The following ECHDC3 variants were observed in gnomAD, a reference collection of about 807,000 sequenced individuals.
The protein encoded by ECHDC3 is enoyl-CoA hydratase domain containing 3.
ECHDC3 carries 20 observed loss-of-function variants against 17.9 expected under a neutral mutation model. The observed-to-expected ratio is 1.12, with a 90% CI of 0.79 to 1.63. The LOEUF is 1.63. Ranked by LOEUF, ECHDC3 falls within the 40% of genes most tolerant of loss-of-function variation. ECHDC3 has a pLI of 0.00. For synonymous variants in ECHDC3, 177 were observed against 149.7 expected, an observed-to-expected ratio of 1.18 and a Z score of -1.33; for missense variants, 407 against 357.7, an observed-to-expected ratio of 1.14 and a Z score of -1.11.
intron 1 of ECHDC3, among the ~76,000 whole-genome samples, chr10:11,745,789 C>T (rs1832752389): frequency 1.3e-5 from 2 of 152,082 alleles, no homozygotes; most frequent in Admixed American, 6.6e-5. Context: ...GGCTCTTTGC[C>T]CATTTCTTGT....
chr10:11,753,492 G>A (rs1228807586), intron 3 of ECHDC3, among the ~76,000 whole-genome samples: 13 of 152,174 alleles, frequency 8.5e-5, no homozygotes, highest in African/African-American at 9.7e-5. Flanking sequence ...GGACAGGACA[G>A]GTAGACTGTT....
At chr10:11,743,938 G>C (rs1003918372) in intron 1 of ECHDC3, among the ~76,000 whole-genome samples, 1 of 152,216 alleles carries the variant, frequency 6.6e-6, no homozygotes, top group African/African-American at 2.4e-5. Flanking sequence ...ATGAATGCTA[G>C]GGTTTGTTTA....
In ECHDC3 at chr10:11,763,481, G is replaced by A. The variant is rs762417319; in HGVS notation, c.849G>A (p.Gly283=). The A allele has an allele frequency of 2.6e-5, 30 of 1,149,920 alleles. No individual in the cohort carries two copies. Among genetic ancestry groups the A allele is most frequent in the Admixed American group, 3.4e-5 (2 of 58,808 alleles). 71.2% of individuals were successfully genotyped at this position (1,149,920 alleles called of 1,614,324 possible). The change falls in exon 5 of 5, where the codon GGG becomes GGA. Residue 283 remains glycine (G), a synonymous_variant. Transcript: ENST00000379215. This position sits in a 1 kb window ranked among gnomAD's most constrained non-coding sequence, Gnocchi z 4.9. The part of the protein sequence containing the change: ...AMVDNLALRD[G]QEGITAFLQK... ...TGGACAACCTGGCCCTGCGGGACGGGCAGGAGGGCATCACGGCCTTCCTCC... is the reference window on the plus strand; with the variant it reads ...TGGACAACCTGGCCCTGCGGGACGGACAGGAGGGCATCACGGCCTTCCTCC...
chr10:11,749,773 CTTTTTTTTTTTTTTTTTTTTTTTT>C lies in ECHDC3; in HGVS notation c.390+198_390+221del, dbSNP rs869115508. Among the ~76,000 whole-genome samples the C allele has an allele frequency of 6.1e-5, 4 of 65,502 alleles. No homozygotes were observed. In the Admixed American group the frequency reaches 7.1e-4, roughly 12 times the overall value. The allele number at this position is 65,502 out of a possible 152,430, so 43.0% of individuals were successfully genotyped here. On this transcript the variant is annotated intron_variant, in intron 3 of 4. Transcript: ENST00000379215. ...AATCCAGCAATTATTTGGTTTAGAC[CTTTTTTTTTTTTTTTTTTTTTTTT>C]TTTTTTTTTTTTTTTTGAGACAGAG...
In ECHDC3 at chr10:11,747,392, C is replaced by T. The variant is rs775157293; in HGVS notation, c.214C>T (p.Leu72Phe). 4 of 1,613,960 alleles carry T rather than the reference C, an allele frequency of 2.5e-6. No individual in the cohort carries two copies. Among genetic ancestry groups the T allele is most frequent in the Admixed American group, 1.7e-5 (1 of 60,002 alleles). ...SNPKKRNALS[L>F]AMLKSLQSDI... ...TCCCAAGAAGAGGAACGCGTTGTCA[C>T]TTGCAATGCTGAAGTCTCTCCAAAG... is the stretch of plus-strand genomic sequence containing the variant. Residue 72 changes from leucine (L) to phenylalanine (F), a missense_variant, in exon 2 of 5, where the codon CTT becomes TTT. By Grantham distance (22) the Leu-to-Phe change is conservative. Coordinates refer to ENST00000379215, the MANE Select transcript of ECHDC3 (RefSeq NM_024693.5).
chr10:11,743,870 G>A (rs372152593), intron 1 of ECHDC3, among the ~76,000 whole-genome samples: 1 of 152,234 alleles, frequency 6.6e-6, no homozygotes, highest in Non-Finnish European at 1.5e-5. Context: ...AAGGAGGCCG[G>A]TCGAGTTCTC....
chr10:11,748,772 G>A (rs781510105), intron 2 of ECHDC3, among the ~76,000 whole-genome samples: 1 of 152,158 alleles, frequency 6.6e-6, no homozygotes, highest in Non-Finnish European at 1.5e-5. Context: ...TGTAATCCCA[G>A]CTACTTAGGA....
At chr10:11,757,383 G>A (rs1018225313) in intron 4 of ECHDC3, among the ~76,000 whole-genome samples, 6 of 152,304 alleles carry the variant, frequency 3.9e-5, no homozygotes, top group Middle Eastern at 6.8e-3. Flanking sequence ...AGAAAAGGGG[G>A]AAAATATGAC....
At chr10:11,761,224 G>A (rs1310770647) in intron 4 of ECHDC3, among the ~76,000 whole-genome samples, 1 of 152,206 alleles carries the variant, frequency 6.6e-6, no homozygotes, top group Non-Finnish European at 1.5e-5. Flanking sequence ...TAAACTGGGA[G>A]CAGTATTGGC....
intron 3 of ECHDC3, among the ~76,000 whole-genome samples, chr10:11,749,898 C>T (rs1462411683): frequency 4.0e-5 from 6 of 148,556 alleles, no homozygotes; most frequent in Non-Finnish European, 8.9e-5. Flanking sequence ...CAAGTTCAAG[C>T]GATTCTCCTG....
At chr10:11,753,250 G>C (rs933244540) in intron 3 of ECHDC3, among the ~76,000 whole-genome samples, 1 of 151,932 alleles carries the variant, frequency 6.6e-6, no homozygotes, top group Non-Finnish European at 1.5e-5. Context: ...GGGTATGGTG[G>C]TGTACACTTG....
In ECHDC3 at chr10:11,742,749, C is replaced by T. The variant is rs1832710089; in HGVS notation, c.170+3C>T. ...GCGCGGCAGCTGGACGGCATAAGGT[C>T]AGCCCCGGGCCGCGCGGGCTCCTCG... On this transcript the variant is annotated splice_donor_region_variant and intron_variant, in intron 1 of 4. Transcript: ENST00000379215. The T allele has an allele frequency of 8.2e-7, 1 of 1,226,730 alleles. No homozygotes were observed. The highest frequency in any genetic ancestry group is 4.3e-5 in the Admixed American group (1 of 23,296). 76.0% of individuals were successfully genotyped at this position (1,226,730 alleles called of 1,614,324 possible). A position where few individuals can be genotyped will look rare whatever the true frequency, so the allele number is the denominator to read the frequency against.
At chr10:11,757,686 T>C (rs1303526911) in intron 4 of ECHDC3, among the ~76,000 whole-genome samples, 1 of 152,168 alleles carries the variant, frequency 6.6e-6, no homozygotes, top group Non-Finnish European at 1.5e-5. Flanking sequence ...TTATTAATGC[T>C]GGGCCACTCA....
rs781107346 is a variant in ECHDC3, at chr10:11,763,366, G to A, written c.734G>A (p.Arg245His). Residue 245 changes from arginine to histidine, a missense_variant, in exon 5 of 5, where the codon CGT becomes CAT. Coordinates refer to ENST00000379215, the MANE Select transcript of ECHDC3 (RefSeq NM_024693.5). This position sits in a 1 kb window ranked among gnomAD's most constrained non-coding sequence, Gnocchi z 4.9. ...RIARKIASLS[R>H]PVVSLGKATF... ...GCTAGGAAGATCGCATCGCTGAGCC[G>A]TCCGGTGGTGTCCCTGGGCAAAGCC... 1.7e-5 allele frequency: 13 copies of A among 779,090 alleles called. No individual in the cohort carries two copies. Among genetic ancestry groups the A allele is most frequent in the South Asian group, 2.7e-5 (2 of 74,652 alleles). 48.3% of individuals were successfully genotyped at this position (779,090 alleles called of 1,614,324 possible).
At chr10:11,743,221 A>G (rs1832716593) in intron 1 of ECHDC3, among the ~76,000 whole-genome samples, 1 of 152,204 alleles carries the variant, frequency 6.6e-6, no homozygotes, top group Admixed American at 6.5e-5. Context: ...CGATGGAGTC[A>G]TGAAGGTGGA....
At chr10:11,756,900 T>A (rs1197086477) in intron 4 of ECHDC3, among the ~76,000 whole-genome samples, 1 of 152,172 alleles carries the variant, frequency 6.6e-6, no homozygotes, top group African/African-American at 2.4e-5. Flanking sequence ...CATACCCGGC[T>A]AATTTTGTAT....
chr10:11,756,226 C>G (rs1832885583), intron 4 of ECHDC3, among the ~76,000 whole-genome samples: 1 of 152,204 alleles, frequency 6.6e-6, no homozygotes, highest in Non-Finnish European at 1.5e-5. Context: ...ACAGTGAAGT[C>G]TGTTTCCGCC....
At chr10:11,744,254 G>A (rs572811271) in intron 1 of ECHDC3, among the ~76,000 whole-genome samples, 2 of 152,310 alleles carry the variant, frequency 1.3e-5, no homozygotes, top group East Asian at 1.9e-4. Flanking sequence ...GTCTCACCAG[G>A]GTTCAGAGAG....
rs1832983269 is a variant in ECHDC3, at chr10:11,763,871, AG to A, written c.*328del. 2.8e-6 allele frequency: 3 copies of A among 1,078,366 alleles called. No individual in the cohort carries two copies. The highest frequency in any genetic ancestry group is 1.7e-5 in the African/African-American group (1 of 60,190). 66.8% of individuals were successfully genotyped at this position (1,078,366 alleles called of 1,614,324 possible). On this transcript the variant is annotated 3_prime_UTR_variant, in exon 5 of 5. Coordinates refer to ENST00000379215, the MANE Select transcript of ECHDC3 (RefSeq NM_024693.5). The surrounding 1 kb of genome is among the most constrained non-coding windows in gnomAD (Gnocchi z 4.9). ...GCAAAAGGTGGCAACCCATGGAGGC[AG>A]AAAGAAGGACGCCAGCCTGACCCTT...
Sources: allele counts gnomAD v4.1 joint callset (sites outside exome capture counted in the v4.1 genomes callset), GRCh38; gene constraint gnomAD v4.1.1; non-coding constraint Gnocchi (gnomAD v3.1); transcripts MANE v1.5; gene names NCBI Gene and HGNC (gene_info 2026-07-23, HGNC 2026-07-21).